DNAJC1: variants seen among roughly 807,000 people sequenced by gnomAD.
The protein encoded by DNAJC1 is dnaJ homolog subfamily C member 1.
In DNAJC1, 58 loss-of-function variants were observed where a neutral mutation model predicts 76.6. That is an observed-to-expected ratio of 0.76 (90% confidence interval 0.61 to 0.94). DNAJC1 has a LOEUF of 0.94. DNAJC1 is among the 40% of genes least tolerant of loss of function. The probability of loss-of-function intolerance (pLI) is 0.00; values close to 1 mark genes in which losing one functional copy is unlikely to be tolerated. For synonymous variants in DNAJC1, 258 were observed against 267.9 expected, an observed-to-expected ratio of 0.96 and a Z score of 0.36; for missense variants, 689 against 677.3, an observed-to-expected ratio of 1.02 and a Z score of -0.19.
At chr10:21,998,221 T>C (rs1838450762) in intron 1 of DNAJC1, among the ~76,000 whole-genome samples, 1 of 151,544 alleles carries the variant, frequency 6.6e-6, no homozygotes, top group Non-Finnish European at 1.5e-5. Flanking sequence ...CGAAACCCCA[T>C]CTCTACTAAA....
chr10:21,930,005 T>C (rs1837195222), intron 1 of DNAJC1, among the ~76,000 whole-genome samples: 1 of 152,216 alleles, frequency 6.6e-6, no homozygotes. Flanking sequence ...TGAGACAGTC[T>C]GATTCTACCA....
At chr10:21,972,598 A>T (rs1420968110) in intron 1 of DNAJC1, among the ~76,000 whole-genome samples, 1 of 152,084 alleles carries the variant, frequency 6.6e-6, no homozygotes, top group Non-Finnish European at 1.5e-5. Context: ...AAGTTAAATT[A>T]ATCTAATACT....
chr10:21,779,350 G>A (rs1037755896), intron 9 of DNAJC1, among the ~76,000 whole-genome samples: 2 of 152,190 alleles, frequency 1.3e-5, no homozygotes, highest in African/African-American at 2.4e-5. Context: ...CCTCCCAGTA[G>A]GGGCCAACTG....
intron 8 of DNAJC1, among the ~76,000 whole-genome samples, chr10:21,877,161 G>A (rs1836200117): frequency 6.6e-6 from 1 of 151,878 alleles, no homozygotes; most frequent in South Asian, 2.1e-4. Context: ...GTGGTTTCAG[G>A]TACTCAGGAG....
chr10:21,772,075 T>A (rs1349398117), intron 9 of DNAJC1, among the ~76,000 whole-genome samples: 1 of 152,124 alleles, frequency 6.6e-6, no homozygotes, highest in Admixed American at 6.5e-5. Context: ...GCAACTACAG[T>A]TGCACACCAC....
chr10:21,798,624 C>T (rs1044372347), intron 9 of DNAJC1, among the ~76,000 whole-genome samples: 1 of 152,212 alleles, frequency 6.6e-6, no homozygotes, highest in African/African-American at 2.4e-5. Context: ...TGCTCAAATA[C>T]TACCTCTCCG....
chr10:21,920,055 C>G (rs1221243962), intron 4 of DNAJC1, 126 bp from the exon 5 acceptor site: 1 of 543,144 alleles, frequency 1.8e-6, no homozygotes, highest in African/African-American at 1.9e-5. Flanking sequence ...TAGGGTCCAA[C>G]ATGATTAAGT....
chr10:21,835,037 G>A (rs1835426472), intron 8 of DNAJC1, among the ~76,000 whole-genome samples: 1 of 152,166 alleles, frequency 6.6e-6, no homozygotes, highest in Admixed American at 6.5e-5. Context: ...TCCTCAAGTG[G>A]GTCCCTGATC....
intron 6 of DNAJC1, among the ~76,000 whole-genome samples, chr10:21,905,015 AACT>A (rs2131745492): frequency 6.6e-6 from 1 of 152,246 alleles, no homozygotes; most frequent in East Asian, 1.9e-4. Context: ...TTAGCCCTTT[AACT>A]ACAATAGATA....
intron 1 of DNAJC1, among the ~76,000 whole-genome samples, chr10:21,944,823 G>T (rs1837477556): frequency 6.6e-6 from 1 of 152,324 alleles, no homozygotes; most frequent in South Asian, 2.1e-4. Flanking sequence ...TGATGAATTA[G>T]ATTGGGGGTA....
intron 10 of DNAJC1, among the ~76,000 whole-genome samples, chr10:21,763,644 C>G (rs898586581): frequency 3.4e-5 from 5 of 146,604 alleles, no homozygotes; most frequent in African/African-American, 1.3e-4. Context: ...AATTGAGGAT[C>G]TTTAAATTCA....
chr10:21,767,247 C>A (rs1460882593), intron 9 of DNAJC1, among the ~76,000 whole-genome samples: 1 of 152,120 alleles, frequency 6.6e-6, no homozygotes, highest in Admixed American at 6.5e-5. Context: ...AACCATGATA[C>A]CTTTACACAT....
At chr10:21,986,295 TC>T (rs960335638) in intron 1 of DNAJC1, among the ~76,000 whole-genome samples, 39 of 152,238 alleles carry the variant, frequency 2.6e-4, no homozygotes, top group African/African-American at 8.9e-4. Context: ...TTCCAGGTTT[TC>T]CACATCCTCA....
intron 9 of DNAJC1, among the ~76,000 whole-genome samples, chr10:21,800,080 G>T (rs1170234125): frequency 3.3e-5 from 5 of 152,052 alleles, no homozygotes; most frequent in African/African-American, 1.2e-4. Context: ...GTTGTTTCAG[G>T]TGTCCCCAAA....
intron 8 of DNAJC1, among the ~76,000 whole-genome samples, chr10:21,825,711 T>C (rs1430263818): frequency 2.0e-5 from 3 of 152,228 alleles, no homozygotes; most frequent in Non-Finnish European, 4.4e-5. Context: ...GTTATTGTTA[T>C]AGCAATTCTA....
At chr10:21,961,423 A>G (rs1284669570) in intron 1 of DNAJC1, among the ~76,000 whole-genome samples, 4 of 152,240 alleles carry the variant, frequency 2.6e-5, no homozygotes, top group Non-Finnish European at 5.9e-5. Flanking sequence ...CACACACTAC[A>G]GCAAAGATGA....
intron 1 of DNAJC1, among the ~76,000 whole-genome samples, chr10:21,952,415 T>C (rs894272847): frequency 6.6e-6 from 1 of 152,132 alleles, no homozygotes; most frequent in Non-Finnish European, 1.5e-5. Flanking sequence ...CCTAGGTAAT[T>C]GTGTACTAGT....
chr10:21,812,026 G>A (rs1264886583), intron 8 of DNAJC1, among the ~76,000 whole-genome samples: 5 of 150,830 alleles, frequency 3.3e-5, no homozygotes, highest in African/African-American at 1.2e-4. Context: ...ATATCTTACT[G>A]TGGTAATAAT....
chr10:21,940,820 A>C (rs866994634), intron 1 of DNAJC1, among the ~76,000 whole-genome samples: 4 of 152,222 alleles, frequency 2.6e-5, no homozygotes, highest in Middle Eastern at 3.4e-3. Flanking sequence ...CAAAATCATC[A>C]TTTCTATAAT....
Sources: gnomAD v4.1 joint callset for allele counts (sites outside exome capture counted in the v4.1 genomes callset) on GRCh38, gnomAD v4.1.1 for gene constraint, MANE v1.5 for transcripts, NCBI Gene and HGNC (gene_info 2026-07-23, HGNC 2026-07-21) for gene names.